The following ZNF398 variants were observed in gnomAD, a reference collection of about 807,000 sequenced individuals.
ZNF398 encodes zinc finger protein 398, also known as zinc finger DNA binding protein ZER6.
Under a neutral mutation model 41.9 loss-of-function variants are expected in ZNF398, and 18 were observed. The ratio of observed to expected loss-of-function variants is 0.43; its 90% confidence interval spans 0.30 to 0.64. ZNF398 has a LOEUF of 0.64. ZNF398 is among the 30% of genes least tolerant of loss of function. The pLI is 0.14. For missense variants in ZNF398, 669 were observed against 822.8 expected (o/e 0.81, Z 2.29); for synonymous variants, 260 against 308.8 (o/e 0.84, Z 1.66).
chr7:149,126,948 G>A (rs1826493324), intron 1 of ZNF398, among the ~76,000 whole-genome samples: 1 of 152,208 alleles, frequency 6.6e-6, no homozygotes, highest in Non-Finnish European at 1.5e-5. Flanking sequence ...AAGGCCTCGG[G>A]CAGAGACCCC....
At chr7:149,166,096 A>C in intron 2 of ZNF398, 62 bp from the exon 3 acceptor site, 1 of 1,526,292 alleles carries the variant, frequency 6.6e-7, no homozygotes, top group Non-Finnish European at 8.8e-7. Context: ...CTAATTGGAA[A>C]GAGATTTATT....
At chr7:149,171,000 C>T (rs1452759365) in intron 4 of ZNF398, among the ~76,000 whole-genome samples, 20 of 146,340 alleles carry the variant, frequency 1.4e-4, no homozygotes, top group Non-Finnish European at 2.2e-4. Flanking sequence ...CGTGCCACCA[C>T]GCCCGGCTAA....
chr7:149,144,959 A>AT (rs1185720703), upstream of ZNF398, among the ~76,000 whole-genome samples: 3 of 152,094 alleles, frequency 2.0e-5, no homozygotes, highest in Admixed American at 6.6e-5. Context: ...TCAGATTATT[A>AT]TTTTTTTGTA....
At chr7:149,166,031 G>A in intron 2 of ZNF398, 127 bp from the exon 3 acceptor site, 1 of 1,071,552 alleles carries the variant, frequency 9.3e-7, no homozygotes, top group South Asian at 1.6e-5. Flanking sequence ...CCATTTCAGA[G>A]ATATTTAGAA....
chr7:149,164,701 A>T (rs1412483142), intron 2 of ZNF398, among the ~76,000 whole-genome samples: 1 of 152,260 alleles, frequency 6.6e-6, no homozygotes, highest in African/African-American at 2.4e-5. Context: ...GACTTCTGGC[A>T]TTACAGGATG....
chr7:149,165,658 A>G lies in ZNF398; in HGVS notation c.421-500A>G, dbSNP rs1467341486. Among the ~76,000 whole-genome samples the G allele has an allele frequency of 2.0e-5, 3 of 152,216 alleles. No homozygotes were observed. The East Asian group carries it at 5.8e-4, about 29-fold the overall frequency. ...TCCAAAATCAATCCTGTTTGCTCTC[A>G]GTCATCAGCCATGGTATTATCCTTT... On this transcript the variant is annotated intron_variant, in intron 2 of 5. Coordinates refer to ENST00000475153, the MANE Select transcript of ZNF398 (RefSeq NM_170686.3).
intron 2 of ZNF398, among the ~76,000 whole-genome samples, chr7:149,163,590 T>G (rs527438222): frequency 6.6e-6 from 1 of 152,004 alleles, no homozygotes; most frequent in African/African-American, 2.4e-5. Flanking sequence ...GTCAGGCTGG[T>G]CTTGAACTCC....
intron 4 of ZNF398, among the ~76,000 whole-genome samples, chr7:149,173,050 C>T (rs550394760): frequency 1.3e-5 from 2 of 150,136 alleles, no homozygotes; most frequent in South Asian, 4.2e-4. Flanking sequence ...CTGACTAATC[C>T]GGGTGGTGGT....
intron 5 of ZNF398, among the ~76,000 whole-genome samples, chr7:149,177,160 T>G (rs535352263): frequency 1.4e-4 from 22 of 152,204 alleles, no homozygotes; most frequent in African/African-American, 5.1e-4. Context: ...TCTTTTAGAC[T>G]GGGAAACACA....
Position 149,181,418 on chromosome 7 carries a change from C to T in ZNF398, c.*1617C>T, listed in dbSNP as rs899382548. 2.6e-5 allele frequency: 4 copies of T among 152,188 alleles called. No individual in the cohort carries two copies. The highest frequency in any genetic ancestry group is 9.6e-5 in the African/African-American group (4 of 41,454). The allele number at this position is 152,188 out of a possible 1,614,324, so 9.4% of individuals were successfully genotyped here. ...CTGGTTTATTCCTATACTCTTGTTT[C>T]CTCTGCTTCTTCCTGAGGTCTAGAA... is the stretch of plus-strand genomic sequence containing the variant. On this transcript the variant is annotated 3_prime_UTR_variant, in exon 6 of 6. Transcript: ENST00000475153.
chr7:149,134,043 G>A (rs1259900523), intron 2 of ZNF398, among the ~76,000 whole-genome samples: 4 of 146,394 alleles, frequency 2.7e-5, no homozygotes, highest in African/African-American at 7.4e-5. Flanking sequence ...GAGCCACCGT[G>A]CTTGGCCATG....
intron 2 of ZNF398, among the ~76,000 whole-genome samples, chr7:149,160,606 GATAGTCAT>G (rs1478070911): frequency 6.6e-6 from 1 of 152,210 alleles, no homozygotes; most frequent in African/African-American, 2.4e-5. Flanking sequence ...TTCATTTGCA[GATAGTCAT>G]ATTCCCCTTT....
chr7:149,163,060 G>C (rs1404520391), intron 2 of ZNF398, among the ~76,000 whole-genome samples: 1 of 152,122 alleles, frequency 6.6e-6, no homozygotes, highest in Non-Finnish European at 1.5e-5. Context: ...GTTAGAAAAC[G>C]TCCTAAGAAT....
At chr7:149,140,512 T>C (rs563212655) in intron 2 of ZNF398, among the ~76,000 whole-genome samples, 109 of 152,236 alleles carry the variant, frequency 7.2e-4, no homozygotes, top group Non-Finnish European at 1.2e-3. Flanking sequence ...AGCCCCCTAG[T>C]AGCTGGGATT....
intron 4 of ZNF398, among the ~76,000 whole-genome samples, chr7:149,175,897 G>C (rs1430401143): frequency 6.6e-6 from 1 of 152,054 alleles, no homozygotes; most frequent in Non-Finnish European, 1.5e-5. Flanking sequence ...CGTTGGTCAG[G>C]CTCATCTTGA....
At position 149,182,205 on chromosome 7, in the gene ZNF398, A is replaced by G. The variant is rs1795608122; in HGVS notation, c.*2404A>G. On this transcript the variant is annotated 3_prime_UTR_variant, in exon 6 of 6. Transcript: ENST00000475153. ...AGCAGGGACCTAAACTTTGGCAAAA[A>G]GTGAACACAATTCAAATACGAATGA... The G allele has an allele frequency of 6.6e-6, 1 of 152,274 alleles. No homozygotes were observed. Among genetic ancestry groups the G allele is most frequent in the African/African-American group, 2.4e-5 (1 of 41,470 alleles). The allele number at this position is 152,274 out of a possible 1,614,324, so 9.4% of individuals were successfully genotyped here.
At chr7:149,164,278 G>A (rs1795178260) in intron 2 of ZNF398, among the ~76,000 whole-genome samples, 1 of 151,576 alleles carries the variant, frequency 6.6e-6, no homozygotes, top group Non-Finnish European at 1.5e-5. Context: ...GTGGTGGTGG[G>A]CGCCTGTAGT....
rs141689743 is a variant in ZNF398 at position 149,178,989 on chromosome 7, G to A, written c.1117G>A (p.Ala373Thr). The stretch of plus-strand genomic sequence containing the variant: ...TGCTACTGAGCACCCCTTACCCTGT[G>A]CCCAGTGCCCTAAGCACTTTACTCC... Reference protein sequence around the residue: ...SHATEHPLPCAQCPKHFTPQA... With the variant: ...SHATEHPLPCTQCPKHFTPQA... Residue 373 changes from alanine (A) to threonine (T), a missense_variant, in exon 6 of 6, where the codon GCC (alanine) becomes ACC (threonine). Coordinates refer to ENST00000475153, the MANE Select transcript of ZNF398 (RefSeq NM_170686.3). The A allele has an allele frequency of 2.1e-4, 344 of 1,614,076 alleles. 3 individuals are homozygous for A. The highest frequency in any genetic ancestry group is 1.9e-3 in the South Asian group (169 of 91,070).
At chr7:149,167,772 G>A (rs374875650) in intron 4 of ZNF398, among the ~76,000 whole-genome samples, 14 of 151,150 alleles carry the variant, frequency 9.3e-5, no homozygotes, top group Admixed American at 2.0e-4. Flanking sequence ...CACCACGTCC[G>A]GATAATTTTT....
Sources: gnomAD v4.1 joint callset for allele counts (sites outside exome capture counted in the v4.1 genomes callset) on GRCh38, gnomAD v4.1.1 for gene constraint, MANE v1.5 for transcripts, NCBI Gene and HGNC (gene_info 2026-07-23, HGNC 2026-07-21) for gene names.